Variants in PLPP1 observed in about 807,000 individuals in gnomAD.
The protein encoded by PLPP1 is phospholipid phosphatase 1, also known as lipid phosphate phosphohydrolase 1a.
PLPP1 carries 24 observed loss-of-function variants against 31.2 expected under a neutral mutation model. The observed-to-expected ratio is 0.77, with a 90% CI of 0.56 to 1.08. PLPP1 has a LOEUF of 1.08. Among genes scored for constraint, PLPP1 ranks in the 50% least tolerant of loss-of-function variants. The probability of loss-of-function intolerance (pLI) is 0.00; values close to 1 mark genes in which losing one functional copy is unlikely to be tolerated. For synonymous variants in PLPP1, 146 were observed against 126.3 expected (o/e 1.16, Z -1.05); for missense variants, 319 against 342.7 (o/e 0.93, Z 0.55).
In PLPP1 at chr5:55,440,652, T is replaced by C. The variant is rs1476992925; in HGVS notation, c.549+1199A>G. On this transcript the variant is annotated intron_variant, in intron 4 of 5. Transcript: ENST00000307259. ...GATGAAAGCTTTGAAAATTAGCTGT[T>C]GTAATGGCTTGAGGTTCTGACTTTG... 2.6e-5 allele frequency among the ~76,000 whole-genome samples: 4 copies of C among 152,362 alleles called. No individual in the cohort carries two copies. The East Asian group carries it at 7.7e-4, about 29-fold the overall frequency.
At chr5:55,507,523 C>G (rs1753306431) in intron 1 of PLPP1, among the ~76,000 whole-genome samples, 1 of 152,148 alleles carries the variant, frequency 6.6e-6, no homozygotes, top group African/African-American at 2.4e-5. Context: ...GAGCACTTTT[C>G]AAAAATGTTA....
rs1002634738 is a variant in PLPP1 at position 55,434,051 on chromosome 5, C to G, written c.549+7800G>C. Among the ~76,000 whole-genome samples the G allele has an allele frequency of 3.3e-5, 5 of 150,404 alleles. No homozygotes were observed. In the South Asian group the frequency reaches 1.1e-3, roughly 32 times the overall value. ...GGCTGAGGAGGGAGAATCGCTTGAA[C>G]TTAGGAGGTGGAGGTTGCAGTGAGC... On this transcript the variant is annotated intron_variant, in intron 4 of 5. Coordinates refer to ENST00000307259, the MANE Select transcript of PLPP1 (RefSeq NM_003711.4).
chr5:55,458,037 A>G (rs1455198439), intron 3 of PLPP1, among the ~76,000 whole-genome samples: 2 of 152,230 alleles, frequency 1.3e-5, no homozygotes, highest in African/African-American at 4.8e-5. Flanking sequence ...CAAGAGAGAT[A>G]TTAGAGACAT....
chr5:55,425,317 A>G lies in PLPP1; in HGVS notation c.744T>C (p.Asp248=), dbSNP rs148300670. 78 of 1,605,040 alleles carry G rather than the reference A, an allele frequency of 4.9e-5. No individual in the cohort carries two copies. In the Middle Eastern group the frequency reaches 1.2e-3, roughly 24 times the overall value. Residue 248 remains aspartate (D), a synonymous_variant, in exon 6 of 6, where the codon GAT becomes GAC. Transcript: ENST00000307259. ...TAAAAGAAGTTCTTTCTTTGAAGAA[A>G]TCCGATACATATACAGCCTACAGTG... ...VAILVAVYVS[D]FFKERTSFKE...
At chr5:55,487,651 G>A (rs558637560) in intron 1 of PLPP1, among the ~76,000 whole-genome samples, 8 of 151,914 alleles carry the variant, frequency 5.3e-5, no homozygotes, top group Admixed American at 5.2e-4. Flanking sequence ...TTATATGAAA[G>A]TTATGTTAAG....
At chr5:55,462,685 A>G (rs1752191438) in intron 3 of PLPP1, among the ~76,000 whole-genome samples, 1 of 152,188 alleles carries the variant, frequency 6.6e-6, no homozygotes, top group Admixed American at 6.5e-5. Flanking sequence ...AAGAAAATAA[A>G]GCAGCCAGCT....
chr5:55,442,193 T>C (rs1751636290), intron 3 of PLPP1, among the ~76,000 whole-genome samples: 1 of 152,226 alleles, frequency 6.6e-6, no homozygotes, highest in Non-Finnish European at 1.5e-5. Flanking sequence ...AGAAGAATGA[T>C]ACTTGACAAG....
At chr5:55,519,942 C>T (rs1753629443) in intron 1 of PLPP1, among the ~76,000 whole-genome samples, 1 of 152,048 alleles carries the variant, frequency 6.6e-6, no homozygotes. Flanking sequence ...AATTATTCAT[C>T]AAAAGAAGTT....
chr5:55,512,072 T>C (rs1753427140), intron 1 of PLPP1, among the ~76,000 whole-genome samples: 1 of 150,992 alleles, frequency 6.6e-6, no homozygotes, highest in Non-Finnish European at 1.5e-5. Context: ...AAGGTTGCAG[T>C]GAGCCAAGAT....
intron 2 of PLPP1, among the ~76,000 whole-genome samples, chr5:55,468,689 G>C (rs1470622964): frequency 1.3e-5 from 2 of 152,092 alleles, no homozygotes; most frequent in East Asian, 3.9e-4. Flanking sequence ...TGTAATCCCA[G>C]CTACTTCGGA....
chr5:55,512,962 G>A (rs1441290508), intron 1 of PLPP1, among the ~76,000 whole-genome samples: 1 of 152,188 alleles, frequency 6.6e-6, no homozygotes, highest in African/African-American at 2.4e-5. Context: ...TTGAAGTATA[G>A]TTTCTACAGA....
intron 3 of PLPP1, among the ~76,000 whole-genome samples, chr5:55,447,287 A>C (rs1005060501): frequency 2.6e-5 from 4 of 152,216 alleles, no homozygotes; most frequent in Non-Finnish European, 4.4e-5. Flanking sequence ...TTTGTTTTTA[A>C]TTATACAGTG....
At chr5:55,511,997 T>C (rs905045774) in intron 1 of PLPP1, among the ~76,000 whole-genome samples, 1 of 150,464 alleles carries the variant, frequency 6.6e-6, no homozygotes. Flanking sequence ...TGGTGGCAGG[T>C]GGCAGCCTGT....
intron 2 of PLPP1, among the ~76,000 whole-genome samples, chr5:55,472,706 AAGAG>A (rs918161832): frequency 6.6e-6 from 1 of 151,608 alleles, no homozygotes. Context: ...GAGAGAGAAA[AAGAG>A]AAAGAGAGAG....
At chr5:55,496,046 C>A (rs1053360287) in intron 1 of PLPP1, among the ~76,000 whole-genome samples, 2 of 152,050 alleles carry the variant, frequency 1.3e-5, no homozygotes, top group African/African-American at 2.4e-5. Context: ...TCAGTAAAGA[C>A]GGGTTTTCAC....
intron 1 of PLPP1, among the ~76,000 whole-genome samples, chr5:55,512,484 G>GA (rs1329928529): frequency 3.4e-3 from 29 of 8,436 alleles, no homozygotes; most frequent in South Asian, 0.018. Context: ...AAAAAAAAAA[G>GA]AAAGAAAGAA....
intron 1 of PLPP1, among the ~76,000 whole-genome samples, chr5:55,518,723 T>A (rs1430150393): frequency 1.3e-5 from 2 of 152,238 alleles, no homozygotes; most frequent in Non-Finnish European, 2.9e-5. Flanking sequence ...TAGCCCCTTA[T>A]ATACCATGTG....
chr5:55,532,000 A>G (rs1740685882), intron 1 of PLPP1, among the ~76,000 whole-genome samples: 1 of 152,238 alleles, frequency 6.6e-6, no homozygotes, highest in Admixed American at 6.5e-5. Flanking sequence ...AATAGATTAA[A>G]TGCCTTTTCC....
chr5:55,488,449 C>G (rs1436585305), intron 1 of PLPP1, among the ~76,000 whole-genome samples: 2 of 151,966 alleles, frequency 1.3e-5, no homozygotes, highest in African/African-American at 4.8e-5. Context: ...AATTCAAGAC[C>G]AGCCTGGCCA....
Sources: gnomAD v4.1 joint callset for allele counts (sites outside exome capture counted in the v4.1 genomes callset) on GRCh38, gnomAD v4.1.1 for gene constraint, MANE v1.5 for transcripts, NCBI Gene and HGNC (gene_info 2026-07-23, HGNC 2026-07-21) for gene names.